The following SYT9 variants were observed in gnomAD, a reference collection of about 807,000 sequenced individuals.
SYT9 encodes synaptotagmin 9, also known as synaptotagmin-9.
In SYT9, 22 loss-of-function variants were observed where a neutral mutation model predicts 48.4. That is an observed-to-expected ratio of 0.45 (90% confidence interval 0.32 to 0.65). SYT9 has a LOEUF of 0.65. SYT9 is among the 30% of genes least tolerant of loss of function. The pLI, the probability that SYT9 is intolerant of heterozygous loss-of-function variation, is 0.03. For missense variants in SYT9, 577 were observed against 622.0 expected, an observed-to-expected ratio of 0.93 and a Z score of 0.77; for synonymous variants, 265 against 245.0, an observed-to-expected ratio of 1.08 and a Z score of -0.76.
chr11:7,417,903 C>A, intron 4 of SYT9, 54 bp from the exon 5 acceptor site: 1 of 1,561,656 alleles, frequency 6.4e-7, no homozygotes, highest in Non-Finnish European at 8.7e-7. Flanking sequence ...TATAACTGCC[C>A]ACCTAAATCT....
chr11:7,382,489 G>A (rs2134047712), intron 3 of SYT9, among the ~76,000 whole-genome samples: 1 of 152,216 alleles, frequency 6.6e-6, no homozygotes, highest in South Asian at 2.1e-4. Context: ...CTGTGAGCAA[G>A]GGAGGAAAAA....
chr11:7,415,355 C>T (rs1847221801), intron 3 of SYT9, among the ~76,000 whole-genome samples: 1 of 152,252 alleles, frequency 6.6e-6, no homozygotes, highest in South Asian at 2.1e-4. Context: ...TTCCAGGGTC[C>T]AGTGGAGCCG....
chr11:7,404,402 T>C (rs1177928668), intron 3 of SYT9, among the ~76,000 whole-genome samples: 1 of 152,156 alleles, frequency 6.6e-6, no homozygotes, highest in African/African-American at 2.4e-5. Context: ...GCTGCCTTTT[T>C]TGGATTAACT....
intron 1 of SYT9, among the ~76,000 whole-genome samples, chr11:7,282,211 T>A (rs949531909): frequency 3.9e-5 from 6 of 152,154 alleles, no homozygotes; most frequent in African/African-American, 1.4e-4. Context: ...TGTAATAAAA[T>A]TTTACTTTAT....
At chr11:7,433,436 C>A (rs954201201) in intron 6 of SYT9, among the ~76,000 whole-genome samples, 1 of 152,148 alleles carries the variant, frequency 6.6e-6, no homozygotes, top group Non-Finnish European at 1.5e-5. Flanking sequence ...GTTATTAATG[C>A]TTAATGAAGT....
intron 1 of SYT9, among the ~76,000 whole-genome samples, chr11:7,287,153 T>C (rs558328461): frequency 2.0e-5 from 3 of 152,178 alleles, no homozygotes; most frequent in Non-Finnish European, 2.9e-5. Flanking sequence ...TGGGGAGGCC[T>C]CAGCAAACTT....
chr11:7,454,264 T>C, intron 6 of SYT9: 1 of 985,368 alleles, frequency 1.0e-6, no homozygotes, highest in Non-Finnish European at 1.2e-6. Flanking sequence ...CTCCCATTTG[T>C]CTCTGCAGTG....
At chr11:7,373,372 C>T (rs1850397366) in intron 3 of SYT9, among the ~76,000 whole-genome samples, 1 of 151,986 alleles carries the variant, frequency 6.6e-6, no homozygotes, top group South Asian at 2.1e-4. Flanking sequence ...TTCCCATTCC[C>T]CTATTTCACC....
chr11:7,336,425 C>G (rs1849631958), intron 3 of SYT9, among the ~76,000 whole-genome samples: 2 of 152,064 alleles, frequency 1.3e-5, no homozygotes. Flanking sequence ...ATTTCTATGT[C>G]CAGAATGGTA....
chr11:7,352,249 T>G (rs1292541432), intron 3 of SYT9, among the ~76,000 whole-genome samples: 1 of 152,172 alleles, frequency 6.6e-6, no homozygotes, highest in African/African-American at 2.4e-5. Context: ...AAACTCATAT[T>G]AGGTTAGAAT....
intron 3 of SYT9, among the ~76,000 whole-genome samples, chr11:7,384,293 C>T (rs1452353413): frequency 6.6e-6 from 1 of 152,060 alleles, no homozygotes; most frequent in South Asian, 2.1e-4. Context: ...TTTCCATTCT[C>T]TTATATCTAA....
intron 3 of SYT9, among the ~76,000 whole-genome samples, chr11:7,397,099 A>G (rs1846770422): frequency 6.6e-6 from 1 of 152,034 alleles, no homozygotes; most frequent in African/African-American, 2.4e-5. Flanking sequence ...ATTTTCTCCT[A>G]TGTTTTCTTG....
At chr11:7,268,379 T>C (rs1275634487) in intron 1 of SYT9, among the ~76,000 whole-genome samples, 1 of 151,948 alleles carries the variant, frequency 6.6e-6, no homozygotes. Context: ...AGAAAAAATA[T>C]GGAAGGCATC....
At chr11:7,320,841 A>T (rs1448747811) in intron 3 of SYT9, among the ~76,000 whole-genome samples, 1 of 152,190 alleles carries the variant, frequency 6.6e-6, no homozygotes, top group African/African-American at 2.4e-5. Context: ...ATAGTACAAT[A>T]CATCTTTGTG....
chr11:7,262,161 T>C (rs988617482), intron 1 of SYT9, among the ~76,000 whole-genome samples: 1 of 152,056 alleles, frequency 6.6e-6, no homozygotes, highest in African/African-American at 2.4e-5. Flanking sequence ...GATGACAACA[T>C]TTACTAATAG....
rs534071809 is a variant in SYT9 at position 7,402,783 on chromosome 11, A to G, written c.1045-13259A>G. On this transcript the variant is annotated intron_variant, in intron 3 of 6. Transcript: ENST00000318881. ...TCATGCTTTGTTATCCAATCTGACC[A>G]TTTCTCTTCTTTCAACTGAAGTTAT... is the stretch of plus-strand genomic sequence containing the variant. 2.6e-5 allele frequency among the ~76,000 whole-genome samples: 4 copies of G among 152,202 alleles called. No individual in the cohort carries two copies. In the East Asian group the frequency reaches 7.7e-4, roughly 29 times the overall value.
chr11:7,451,394 A>C (rs749078783), intron 6 of SYT9, among the ~76,000 whole-genome samples: 31 of 152,180 alleles, frequency 2.0e-4, no homozygotes, highest in Non-Finnish European at 3.8e-4. Context: ...TACTCCCCCA[A>C]AGCAGAACAT....
In SYT9 at chr11:7,358,993, C is replaced by T. The variant is rs1252340160; in HGVS notation, c.1044+45052C>T. Among the ~76,000 whole-genome samples the T allele has an allele frequency of 2.6e-5, 4 of 152,008 alleles. No homozygotes were observed. The East Asian group carries it at 5.8e-4, about 22-fold the overall frequency. On this transcript the variant is annotated intron_variant, in intron 3 of 6. Transcript: ENST00000318881. ...TTAGGTATATCTCCCAATGCTATTC[C>T]TCCCCCCTCCCCTCACCCCACAACA...
chr11:7,362,299 C>G (rs1850154487), intron 3 of SYT9, among the ~76,000 whole-genome samples: 1 of 151,852 alleles, frequency 6.6e-6, no homozygotes, highest in African/African-American at 2.4e-5. Flanking sequence ...CCTGCACCAC[C>G]ATGCCTGGCT....
Sources: allele counts gnomAD v4.1 joint callset (sites outside exome capture counted in the v4.1 genomes callset), GRCh38; gene constraint gnomAD v4.1.1; transcripts MANE v1.5; gene names NCBI Gene and HGNC (gene_info 2026-07-23, HGNC 2026-07-21).